ABCA10: variants seen among roughly 807,000 people sequenced by gnomAD.
ABCA10 encodes ATP-binding cassette sub-family A member 10.
ABCA10 carries 169 observed loss-of-function variants against 187.5 expected under a neutral mutation model. The observed-to-expected ratio is 0.90, with a 90% CI of 0.80 to 1.02. The LOEUF is 1.02. Ranked by LOEUF, ABCA10 falls within the 50% of genes least tolerant of loss-of-function variation. The pLI is 0.00. For synonymous variants in ABCA10, 574 were observed against 601.8 expected, an observed-to-expected ratio of 0.95 and a Z score of 0.68; for missense variants, 1,727 against 1,812.4, an observed-to-expected ratio of 0.95 and a Z score of 0.86.
Position 69,182,172 on chromosome 17 carries a change from T to G in ABCA10, c.2750A>C (p.Glu917Ala). 6.3e-7 allele frequency: 1 copy of G among 1,584,784 alleles called. No homozygotes were observed. Among genetic ancestry groups the G allele is most frequent in the South Asian group, 1.2e-5 (1 of 86,260 alleles). ...ACTTACACGAGAAAATGAAGTGCTC[T>G]CCATTTGAATAAGCTCCGTGAAGTT... is the stretch of plus-strand genomic sequence containing the variant. ...IFNFTELIQM[E>A]STSFSRDDIV... is the part of the protein sequence containing the mutation. Residue 917 changes from glutamate (E) to alanine (A), a missense_variant, in exon 22 of 39, where the codon GAG becomes GCG. Glu to Ala is a moderately radical substitution (Grantham distance 107, BLOSUM62 -1). Coordinates refer to ENST00000690296, the MANE Select transcript of ABCA10 (RefSeq NM_001377321.1).
chr17:69,165,468 T>C (rs559955993), intron 25 of ABCA10, among the ~76,000 whole-genome samples: 97 of 152,242 alleles, frequency 6.4e-4, no homozygotes, highest in Non-Finnish European at 1.0e-3. Context: ...AACTTTGAGG[T>C]TGGTGTTTAT....
intron 1 of ABCA10, among the ~76,000 whole-genome samples, chr17:69,237,785 G>T (rs149175560): frequency 6.6e-6 from 1 of 152,122 alleles, no homozygotes. Context: ...GGCAACCTTT[G>T]AAGAAGACAC....
chr17:69,151,545 T>A (rs973566781), intron 36 of ABCA10, among the ~76,000 whole-genome samples: 14 of 152,196 alleles, frequency 9.2e-5, no homozygotes, highest in African/African-American at 3.4e-4. Context: ...TGATTACCAT[T>A]ACTTGTAACA....
chr17:69,194,279 A>T (rs2074482829), intron 12 of ABCA10, 106 bp downstream of exon 12: 1 of 942,396 alleles, frequency 1.1e-6, no homozygotes. Context: ...GCTCTAAATT[A>T]TTCAACTGTG....
At chr17:69,166,786 T>C (rs2074257565) in intron 25 of ABCA10, among the ~76,000 whole-genome samples, 1 of 151,932 alleles carries the variant, frequency 6.6e-6, no homozygotes, top group Non-Finnish European at 1.5e-5. Flanking sequence ...CATTGAAGAG[T>C]AAGTGTATCT....
intron 2 of ABCA10, among the ~76,000 whole-genome samples, chr17:69,225,868 C>T (rs909010977): frequency 6.6e-6 from 1 of 151,890 alleles, no homozygotes; most frequent in Non-Finnish European, 1.5e-5. Context: ...AATATTTAAC[C>T]AGAATTGGAT....
chr17:69,184,436 C>T (rs1412826413), intron 20 of ABCA10, among the ~76,000 whole-genome samples: 1 of 152,070 alleles, frequency 6.6e-6, no homozygotes, highest in African/African-American at 2.4e-5. Flanking sequence ...TGTTCCAGCA[C>T]ACTAAACAAA....
In ABCA10 at chr17:69,211,292, CATAT is replaced by C. The variant is rs554202499; in HGVS notation, c.1006+3408_1006+3411del. Reference sequence around the variant, plus strand: ...GTAGTATCCTATGGTATATATATATCATATATATACATCATATATATGATATATA... The same window carrying C: ...GTAGTATCCTATGGTATATATATATCATATACATCATATATATGATATATA... On this transcript the variant is annotated intron_variant, in intron 9 of 38. Transcript: ENST00000690296. Among the ~76,000 whole-genome samples, 190 of 59,148 alleles carry C rather than the reference CATAT, an allele frequency of 3.2e-3. 3 individuals are homozygous for C. Among genetic ancestry groups the C allele is most frequent in the African/African-American group, 0.015 (183 of 12,498 alleles). The allele number at this position is 59,148 out of a possible 152,430, so 38.8% of individuals were successfully genotyped here. A position where few individuals can be genotyped will look rare whatever the true frequency, so the allele number is the denominator to read the frequency against.
At chr17:69,239,248 A>G (rs746012765) in intron 1 of ABCA10, among the ~76,000 whole-genome samples, 8 of 152,202 alleles carry the variant, frequency 5.3e-5, no homozygotes, top group Non-Finnish European at 7.3e-5. Flanking sequence ...GCTGGCAATT[A>G]TCAGTTAGGA....
chr17:69,236,329 T>C (rs185809708), intron 1 of ABCA10, among the ~76,000 whole-genome samples: 3 of 152,260 alleles, frequency 2.0e-5, no homozygotes, highest in Non-Finnish European at 4.4e-5. Flanking sequence ...GACTTAAGAA[T>C]AGCAAATAAG....
chr17:69,184,840 T>C (rs1008921970), intron 20 of ABCA10, among the ~76,000 whole-genome samples: 9 of 97,372 alleles, frequency 9.2e-5, no homozygotes, highest in Admixed American at 7.2e-4. Context: ...AAGTTATATA[T>C]ATATGTATAT....
upstream of ABCA10, among the ~76,000 whole-genome samples, chr17:69,231,498 T>C (rs2074831830): frequency 6.6e-6 from 1 of 152,138 alleles, no homozygotes; most frequent in East Asian, 1.9e-4. Context: ...GTTCTAAATA[T>C]TTTCCTTTTT....
intron 35 of ABCA10, 85 bp from the exon 36 acceptor site, chr17:69,152,268 G>A: frequency 6.4e-7 from 1 of 1,573,982 alleles, no homozygotes; most frequent in South Asian, 1.2e-5. Flanking sequence ...TTAATTACAG[G>A]TTAGGGAGCT....
Position 69,174,673 on chromosome 17 carries a change from T to C in ABCA10, c.2982A>G (p.Ser994=). 3 of 1,612,094 alleles carry C rather than the reference T, an allele frequency of 1.9e-6. No homozygotes were observed. Among genetic ancestry groups the C allele is most frequent in the Non-Finnish European group, 2.5e-6 (3 of 1,178,674 alleles). ...ATATGAAGTAGTAAATTAAATGTAT[T>C]GAAAAGAGAATCAAGAAGTATAATG... ...DIPLYFLILF[S]IHLIYYFIFL... is the part of the protein sequence containing the mutation. The change falls in exon 24 of 39, where the codon TCA becomes TCG. Residue 994 remains serine (S), a synonymous_variant. Transcript: ENST00000690296.
upstream of ABCA10, among the ~76,000 whole-genome samples, chr17:69,230,388 G>C (rs1169392481): frequency 6.6e-6 from 1 of 152,086 alleles, no homozygotes; most frequent in Non-Finnish European, 1.5e-5. Context: ...TCTGAGACCT[G>C]CATTGCAGAC....
At chr17:69,204,194 T>C in intron 9 of ABCA10, among the ~76,000 whole-genome samples, 1 of 152,234 alleles carries the variant, frequency 6.6e-6, no homozygotes, top group East Asian at 1.9e-4. Context: ...AACTGGTTAA[T>C]AATTTCTACA....
intron 27 of ABCA10, among the ~76,000 whole-genome samples, chr17:69,160,336 C>T (rs985641066): frequency 2.6e-5 from 4 of 152,124 alleles, no homozygotes; most frequent in Admixed American, 2.6e-4. Flanking sequence ...TGGCCGGGCA[C>T]GGTGGCTCAC....
Position 69,225,433 on chromosome 17 carries a change from C to A in ABCA10, c.-75G>T. ...GAGTCATTAAACTGATCCACGCTTC[C>A]CAGGACTTTAGGAGGTTGTTCAGGA... is the stretch of plus-strand genomic sequence containing the variant. On this transcript the variant is annotated 5_prime_UTR_variant, in exon 3 of 39. Transcript: ENST00000690296. The A allele has an allele frequency of 6.5e-7, 1 of 1,526,998 alleles. No individual in the cohort carries two copies. Among genetic ancestry groups the A allele is most frequent in the Non-Finnish European group, 9.0e-7 (1 of 1,107,228 alleles). 94.6% of individuals were successfully genotyped at this position (1,526,998 alleles called of 1,614,324 possible).
chr17:69,216,466 T>G (rs140452358), intron 6 of ABCA10, 108 bp from the exon 7 acceptor site: 3 of 1,261,532 alleles, frequency 2.4e-6, no homozygotes, highest in African/African-American at 3.0e-5. Flanking sequence ...ACTAAATTTA[T>G]TCTAAATGGG....
Sources: allele counts gnomAD v4.1 joint callset (sites outside exome capture counted in the v4.1 genomes callset), GRCh38; gene constraint gnomAD v4.1.1; transcripts MANE v1.5; gene names NCBI Gene and HGNC (gene_info 2026-07-23, HGNC 2026-07-21).